The following LMNB2 variants were observed in gnomAD, a reference collection of about 807,000 sequenced individuals.
The protein encoded by LMNB2 is lamin B2.
In LMNB2, 17 loss-of-function variants were observed where a neutral mutation model predicts 69.3. The ratio of observed to expected loss-of-function variants is 0.25; its 90% CI spans 0.17 to 0.37. The LOEUF (loss-of-function observed/expected upper bound fraction) is 0.37, where lower values mean the gene tolerates loss of function less well. Among genes scored for constraint, LMNB2 ranks in the 10% least tolerant of loss-of-function variants. The pLI, the probability that LMNB2 is intolerant of heterozygous loss-of-function variation, is 1.00. For missense variants in LMNB2, 789 were observed against 883.6 expected (o/e 0.89, Z 1.36); for synonymous variants, 397 against 389.3 (o/e 1.02, Z -0.23).
At position 2,447,178 on chromosome 19, in the gene LMNB2, AAAAT is replaced by A. The variant is rs1971966154; in HGVS notation, c.265-2642_265-2639del. On this transcript the variant is annotated intron_variant, in intron 1 of 11. Coordinates refer to ENST00000325327, the MANE Select transcript of LMNB2 (RefSeq NM_032737.4). This position sits in a 1 kb window ranked among gnomAD's most constrained non-coding sequence, Gnocchi z 4.4. ...AAATAAATAAATAAAATGAAAAATA[AAAAT>A]AAATAAAAAAATAAAAGCAATGCGG... Among the ~76,000 whole-genome samples the A allele has an allele frequency of 1.3e-5, 2 of 152,106 alleles. No individual in the cohort carries two copies. Among genetic ancestry groups the A allele is most frequent in the Middle Eastern group, 3.2e-3 (1 of 316 alleles).
chr19:2,453,574 G>T lies in LMNB2; in HGVS notation c.264+3096C>A, dbSNP rs905156675. The stretch of plus-strand genomic sequence containing the variant: ...CCCCTGCCACATGCCCTGCAGACAC[G>T]GCTGGGTGACAGGGCTCACGGAGGG... On this transcript the variant is annotated intron_variant, in intron 1 of 11. Coordinates refer to ENST00000325327, the MANE Select transcript of LMNB2 (RefSeq NM_032737.4). The surrounding 1 kb of genome is among the most constrained non-coding windows in gnomAD (Gnocchi z 4.4). 1.3e-5 allele frequency among the ~76,000 whole-genome samples: 2 copies of T among 152,128 alleles called. No individual in the cohort carries two copies. The highest frequency in any genetic ancestry group is 4.8e-5 in the African/African-American group (2 of 41,422).
intron 1 of LMNB2, among the ~76,000 whole-genome samples, chr19:2,451,558 G>A (rs923512933): frequency 6.6e-5 from 10 of 152,244 alleles, no homozygotes; most frequent in African/African-American, 2.2e-4. Context: ...TGCCGGGGCA[G>A]GACGGCCTCC....
rs1481316596 is a variant in LMNB2, at chr19:2,434,611, T to A, written c.982-96A>T. On this transcript the variant is annotated intron_variant, in intron 6 of 11. Coordinates refer to ENST00000325327, the MANE Select transcript of LMNB2 (RefSeq NM_032737.4). ...CGGGAGATGGGCCCTCACCACAGAC[T>A]GGGGCAGAGACCAGGCCTGGGCATG... 6 of 1,512,050 alleles carry A rather than the reference T, an allele frequency of 4.0e-6. No homozygotes were observed. The African/African-American group carries it at 6.9e-5, about 17-fold the overall frequency. 93.7% of individuals were successfully genotyped at this position (1,512,050 alleles called of 1,614,324 possible).
intron 1 of LMNB2, among the ~76,000 whole-genome samples, chr19:2,450,607 A>G (rs1848815589): frequency 6.6e-6 from 1 of 151,808 alleles, no homozygotes; most frequent in Admixed American, 6.6e-5. Flanking sequence ...GTGAAACCCC[A>G]TCTCTACTAA....
In LMNB2 at chr19:2,447,013, G is replaced by A. The variant is rs989147645; in HGVS notation, c.265-2473C>T. On this transcript the variant is annotated intron_variant, in intron 1 of 11. Coordinates refer to ENST00000325327, the MANE Select transcript of LMNB2 (RefSeq NM_032737.4). This position sits in a 1 kb window ranked among gnomAD's most constrained non-coding sequence, Gnocchi z 4.4. Reference sequence around the variant, plus strand: ...CAAAAAATTAGCCAGGCGTGGTGGTGGGCGCCTGTGGTCCCAGCTACTTGG... The same window carrying A: ...CAAAAAATTAGCCAGGCGTGGTGGTAGGCGCCTGTGGTCCCAGCTACTTGG... 2.6e-5 allele frequency among the ~76,000 whole-genome samples: 4 copies of A among 151,922 alleles called. No homozygotes were observed. The highest frequency in any genetic ancestry group is 4.8e-5 in the African/African-American group (2 of 41,352).
At chr19:2,438,574 A>G (rs1303169033) in intron 2 of LMNB2, 43 bp from the exon 3 acceptor site, 4 of 1,597,314 alleles carry the variant, frequency 2.5e-6, no homozygotes, top group Non-Finnish European at 2.6e-6. Flanking sequence ...GGCAAGGTCC[A>G]TGGGGCCACA....
chr19:2,452,832 G>A (rs1489694876), intron 1 of LMNB2, among the ~76,000 whole-genome samples: 7 of 152,086 alleles, frequency 4.6e-5, no homozygotes, highest in African/African-American at 1.4e-4. Flanking sequence ...AGTCCCTCAC[G>A]CCTCCCAGCA....
Position 2,438,628 on chromosome 19 carries a change from A to C in LMNB2, c.402-97T>G, listed in dbSNP as rs1249035869. Reference sequence around the variant, plus strand: ...GTCAGGCAAGCCCAAAGACAAGGTCACCGAGGCCTCCGAGCCCCAGACCTT... The same window carrying C: ...GTCAGGCAAGCCCAAAGACAAGGTCCCCGAGGCCTCCGAGCCCCAGACCTT... On this transcript the variant is annotated intron_variant, in intron 2 of 11. Coordinates refer to ENST00000325327, the MANE Select transcript of LMNB2 (RefSeq NM_032737.4). 9.6e-6 allele frequency: 14 copies of C among 1,458,096 alleles called. No homozygotes were observed. The South Asian group carries it at 1.7e-4, about 18-fold the overall frequency. 90.3% of individuals were successfully genotyped at this position (1,458,096 alleles called of 1,614,324 possible). A position where few individuals can be genotyped will look rare whatever the true frequency, so the allele number is the denominator to read the frequency against.
Position 2,433,806 on chromosome 19 carries a change from G to A in LMNB2, c.1482+20C>T, listed in dbSNP as rs763504322. 28 of 1,611,950 alleles carry A rather than the reference G, an allele frequency of 1.7e-5. 1 individual carries two copies. In the East Asian group the frequency reaches 6.2e-4, roughly 36 times the overall value. On this transcript the variant is annotated intron_variant, in intron 8 of 11. Transcript: ENST00000325327. ...AGCTGGGTCACCCCGTTACCCCCAT[G>A]CCCCGGTCTTTCCGGTCACCTTGTC... is the stretch of plus-strand genomic sequence containing the variant.
intron 1 of LMNB2, among the ~76,000 whole-genome samples, chr19:2,451,288 T>C (rs919670608): frequency 6.6e-6 from 1 of 152,184 alleles, no homozygotes; most frequent in African/African-American, 2.4e-5. Context: ...AGAGACTTTG[T>C]GACACAGGCA....
intron 6 of LMNB2, 103 bp from the exon 7 acceptor site, chr19:2,434,618 G>C: frequency 6.6e-7 from 1 of 1,510,914 alleles, no homozygotes; most frequent in Non-Finnish European, 8.9e-7. Context: ...GACTGGGGCA[G>C]AGACCAGGCC....
intron 4 of LMNB2, among the ~76,000 whole-genome samples, chr19:2,437,316 GC>G (rs1227058480): frequency 1.2e-4 from 19 of 152,256 alleles, no homozygotes; most frequent in Non-Finnish European, 2.2e-4. Flanking sequence ...GGTGGGGAGA[GC>G]GGGCCTCACC....
At chr19:2,435,512 C>G (rs1186143982) in intron 4 of LMNB2, among the ~76,000 whole-genome samples, 1 of 152,118 alleles carries the variant, frequency 6.6e-6, no homozygotes, top group Non-Finnish European at 1.5e-5. Flanking sequence ...GGCCCATCCA[C>G]AGAGACAGGG....
chr19:2,432,578 C>A, intron 8 of LMNB2, 55 bp from the exon 9 acceptor site: 1 of 1,446,164 alleles, frequency 6.9e-7, no homozygotes, highest in African/African-American at 1.4e-5. Flanking sequence ...GACACCGCCC[C>A]CATCGCCCTG....
At chr19:2,440,226 T>C (rs1012940100) in intron 2 of LMNB2, among the ~76,000 whole-genome samples, 110 of 151,782 alleles carry the variant, frequency 7.2e-4, no homozygotes, top group African/African-American at 2.6e-3. Flanking sequence ...GTTTCGCTCT[T>C]GTTGCCCAGG....
intron 1 of LMNB2, among the ~76,000 whole-genome samples, chr19:2,445,639 C>A (rs1334821876): frequency 1.1e-5 from 1 of 88,662 alleles, no homozygotes; most frequent in African/African-American, 4.8e-5. Context: ...CAGGGATCTG[C>A]AGTCAGAGTC....
At chr19:2,431,164 C>T (rs1390435976) in intron 11 of LMNB2, among the ~76,000 whole-genome samples, 1 of 152,220 alleles carries the variant, frequency 6.6e-6, no homozygotes, top group Non-Finnish European at 1.5e-5. Flanking sequence ...CAGGAACTTG[C>T]GACGCACGCG....
chr19:2,456,840 GC>G lies in LMNB2; in HGVS notation c.93del (p.Ala33ProfsTer52). The G allele has an allele frequency of 7.5e-7, 1 of 1,326,342 alleles. No individual in the cohort carries two copies. The highest frequency in any genetic ancestry group is 9.7e-7 in the Non-Finnish European group (1 of 1,029,814). 82.2% of individuals were successfully genotyped at this position (1,326,342 alleles called of 1,614,324 possible). A position where few individuals can be genotyped will look rare whatever the true frequency, so the allele number is the denominator to read the frequency against. On this transcript the variant is annotated frameshift_variant, in exon 1 of 12. Transcript: ENST00000325327. LOFTEE classifies it high-confidence loss of function. The stretch of plus-strand genomic sequence containing the variant: ...CGCGTGGGCGACAGCGGCGTGGCGG[GC>G]CCGCCCGCGCGGCCGGGCAGCGGCG... ...MATPLPGRAG[G>X]PATPLSPTRL...
chr19:2,438,746 C>A (rs1039013149), intron 2 of LMNB2, among the ~76,000 whole-genome samples: 1 of 152,238 alleles, frequency 6.6e-6, no homozygotes, highest in African/African-American at 2.4e-5. Flanking sequence ...CAGCAAGTGA[C>A]AGGCACCAGC....
Sources: allele counts gnomAD v4.1 joint callset (sites outside exome capture counted in the v4.1 genomes callset), GRCh38; gene constraint gnomAD v4.1.1; non-coding constraint Gnocchi (gnomAD v3.1); transcripts MANE v1.5; gene names NCBI Gene and HGNC (gene_info 2026-07-23, HGNC 2026-07-21).